Variants in NPAT observed in about 807,000 individuals in gnomAD.
NPAT encodes the protein protein NPAT.
A neutral mutation model predicts 130.7 loss-of-function variants in NPAT; 52 were observed. The observed-to-expected ratio is 0.40, with a 90% confidence interval of 0.32 to 0.50. The LOEUF is 0.50. Ranked by LOEUF, NPAT falls within the 20% of genes least tolerant of loss-of-function variation. The pLI, the probability that NPAT is intolerant of heterozygous loss-of-function variation, is 0.68. For missense variants in NPAT, 1,687 were observed against 1,662.6 expected (o/e 1.01, Z -0.26); for synonymous variants, 580 against 584.8 (o/e 0.99, Z 0.12).
Position 108,173,734 on chromosome 11 carries a change from GAAAA to G in NPAT, c.1246_1249del (p.Phe416ProfsTer3). 1 of 1,614,092 alleles carries G rather than the reference GAAAA, an allele frequency of 6.2e-7. No homozygotes were observed. Among genetic ancestry groups the G allele is most frequent in the Non-Finnish European group, 8.5e-7 (1 of 1,179,998 alleles). On this transcript the variant is annotated frameshift_variant, in exon 13 of 18. Transcript: ENST00000278612. LOFTEE classifies it high-confidence loss of function. ...TTTCTGTATGCTGGTACTTATTTGG[GAAAA>G]ATTTTCCTGGTCTTCTTGTCTAAGC...
chr11:108,217,234 C>T (rs1417513563), intron 1 of NPAT, among the ~76,000 whole-genome samples: 1 of 152,190 alleles, frequency 6.6e-6, no homozygotes, highest in East Asian at 1.9e-4. Context: ...AGGGTTAGTT[C>T]CTGCCTTGCA....
chr11:108,189,018 A>G, intron 6 of NPAT, 88 bp downstream of exon 6: 1 of 1,046,704 alleles, frequency 9.6e-7, no homozygotes, highest in Non-Finnish European at 1.5e-6. Flanking sequence ...CCATAATTTT[A>G]CACTATGAGT....
intron 1 of NPAT, among the ~76,000 whole-genome samples, chr11:108,219,468 CAG>C (rs1160434810): frequency 6.6e-6 from 1 of 152,142 alleles, no homozygotes; most frequent in African/African-American, 2.4e-5. Flanking sequence ...GTTAAATACT[CAG>C]AATGGTTTCT....
intron 12 of NPAT, 146 bp from the exon 13 acceptor site, chr11:108,173,997 T>G (rs1002925055): frequency 2.7e-6 from 2 of 737,040 alleles, no homozygotes; most frequent in Non-Finnish European, 4.7e-6. Context: ...TGTTTCCCAT[T>G]TACTGAGTAT....
At chr11:108,186,795 T>C (rs930907048) in intron 7 of NPAT, among the ~76,000 whole-genome samples, 1 of 152,190 alleles carries the variant, frequency 6.6e-6, no homozygotes, top group Non-Finnish European at 1.5e-5. Context: ...GTCAGCACAC[T>C]GCATATAGGC....
chr11:108,185,374 A>G, intron 9 of NPAT, 29 bp downstream of exon 9: 1 of 1,577,564 alleles, frequency 6.3e-7, no homozygotes, highest in Non-Finnish European at 8.7e-7. Context: ...GGCAAAAACA[A>G]TTAGGCATTT....
Position 108,189,252 on chromosome 11 carries a change from A to C in NPAT, c.410T>G (p.Leu137Trp). 6.2e-7 allele frequency: 1 copy of C among 1,614,206 alleles called. No homozygotes were observed. The highest frequency in any genetic ancestry group is 8.5e-7 in the Non-Finnish European group (1 of 1,180,028). ...TCCTGAAAGGTAAGGTAAAGTGAGC[A>C]ACTCTGCACTGGCTGGAGCTGTTTG... ...ASQTAPASAE[L>W]LTLPYLSGQF... Residue 137 changes from leucine (L) to tryptophan (W), a missense_variant, in exon 6 of 18, where the codon TTG becomes TGG. Leu to Trp is a moderately conservative substitution (Grantham distance 61). Around this residue, in one of 3 missense-constraint regions of NPAT, gnomAD observed 307 missense variants for 298.9 expected, o/e 1.03. Transcript: ENST00000278612.
At chr11:108,185,169 A>G in intron 10 of NPAT, 63 bp downstream of exon 10, 1 of 1,127,656 alleles carries the variant, frequency 8.9e-7, no homozygotes, top group Non-Finnish European at 1.3e-6. Flanking sequence ...TGAAACCAAA[A>G]TTACCATCAA....
intron 1 of NPAT, 60 bp downstream of exon 1, chr11:108,222,440 A>G: frequency 6.3e-7 from 1 of 1,589,822 alleles, no homozygotes; most frequent in South Asian, 1.1e-5. Flanking sequence ...TTTGGCCTCA[A>G]AGGTCCTTCT....
intron 11 of NPAT, 52 bp downstream of exon 11, chr11:108,176,942 A>G: frequency 1.6e-6 from 2 of 1,214,154 alleles, no homozygotes; most frequent in Middle Eastern, 1.9e-4. Context: ...TAAGTTACCA[A>G]AGAAATTGTA....
intron 1 of NPAT, among the ~76,000 whole-genome samples, chr11:108,200,173 T>C (rs948948878): frequency 6.6e-6 from 1 of 152,206 alleles, no homozygotes; most frequent in African/African-American, 2.4e-5. Context: ...CCCGCAATCA[T>C]GTCAGGAGTC....
intron 1 of NPAT, among the ~76,000 whole-genome samples, chr11:108,215,127 C>G (rs1474507654): frequency 6.6e-6 from 1 of 152,182 alleles, no homozygotes; most frequent in Admixed American, 6.5e-5. Flanking sequence ...TTTTCTTAAC[C>G]TAGCTATCTT....
chr11:108,220,902 T>C (rs907811977), intron 1 of NPAT, among the ~76,000 whole-genome samples: 2 of 152,190 alleles, frequency 1.3e-5, no homozygotes, highest in South Asian at 4.1e-4. Context: ...AAAAGAGAAG[T>C]AATGGCAGGC....
chr11:108,210,814 C>T (rs1257734376), intron 1 of NPAT, among the ~76,000 whole-genome samples: 1 of 152,212 alleles, frequency 6.6e-6, no homozygotes, highest in Non-Finnish European at 1.5e-5. Flanking sequence ...TTTACAAACT[C>T]TTTTTGAAAT....
chr11:108,185,023 T>G (rs1565316591), intron 10 of NPAT, among the ~76,000 whole-genome samples: 1 of 152,248 alleles, frequency 6.6e-6, no homozygotes, highest in Non-Finnish European at 1.5e-5. Flanking sequence ...GATTCTATTT[T>G]AAGTCATCAT....
chr11:108,204,323 C>T (rs1197444316), intron 1 of NPAT, among the ~76,000 whole-genome samples: 3 of 152,106 alleles, frequency 2.0e-5, no homozygotes, highest in Non-Finnish European at 2.9e-5. Context: ...GCCCACAGAC[C>T]ACTCAACATG....
intron 1 of NPAT, among the ~76,000 whole-genome samples, chr11:108,218,138 G>C (rs2078450876): frequency 6.6e-6 from 1 of 152,184 alleles, no homozygotes; most frequent in African/African-American, 2.4e-5. Context: ...TAAAAGAAGT[G>C]TATTTTTTTG....
intron 1 of NPAT, among the ~76,000 whole-genome samples, chr11:108,205,576 A>C (rs1203967704): frequency 6.6e-6 from 1 of 152,202 alleles, no homozygotes; most frequent in African/African-American, 2.4e-5. Context: ...GCCTCAAGGA[A>C]GAATTCTATA....
chr11:108,169,840 G>A lies in NPAT; in HGVS notation c.2914C>T (p.Pro972Ser), dbSNP rs759612132. Residue 972 changes from proline to serine, a missense_variant, in exon 15 of 18, where the codon CCT becomes TCT. Physicochemically the swap from Pro to Ser is moderately conservative, Grantham distance 74. This residue lies in a region of NPAT where 1,379 missense variants were observed against 1,346.6 expected (regional missense o/e 1.02). Transcript: ENST00000278612. The part of the protein sequence containing the change: ...STPPRQVLHM[P>S]LTAPVCNRSI... ...CTATTGCATACAGGTGCTGTCAAAG[G>A]CATATGAAGAACCTGGAAGAGAAAA... 3 of 1,613,684 alleles carry A rather than the reference G, an allele frequency of 1.9e-6. No individual in the cohort carries two copies. The highest frequency in any genetic ancestry group is 1.7e-6 in the Non-Finnish European group (2 of 1,179,634).
Sources: allele counts gnomAD v4.1 joint callset (sites outside exome capture counted in the v4.1 genomes callset), GRCh38; gene constraint gnomAD v4.1.1; regional missense constraint gnomAD v4.1.1; transcripts MANE v1.5; gene names NCBI Gene and HGNC (gene_info 2026-07-23, HGNC 2026-07-21).